The following KCNQ1 variants were observed in gnomAD, a reference collection of about 807,000 sequenced individuals.
KCNQ1 encodes potassium voltage-gated channel subfamily Q member 1.
Under a neutral mutation model 72.4 loss-of-function variants are expected in KCNQ1, and 49 were observed. The ratio of observed to expected loss-of-function variants is 0.68; its 90% CI spans 0.54 to 0.86. The LOEUF (loss-of-function observed/expected upper bound fraction) is 0.86. Ranked by LOEUF, KCNQ1 falls within the 40% of genes least tolerant of loss-of-function variation. KCNQ1 has a pLI of 0.00. For missense variants in KCNQ1, 790 were observed against 945.1 expected (o/e 0.84, Z 2.15); for synonymous variants, 450 against 412.6 (o/e 1.09, Z -1.10).
At chr11:2,838,870 G>T (rs907528221) in intron 15 of KCNQ1, among the ~76,000 whole-genome samples, 1 of 152,168 alleles carries the variant, frequency 6.6e-6, no homozygotes, top group African/African-American at 2.4e-5. Context: ...AGGAGGCAGC[G>T]GCAGAGAATC....
chr11:2,760,126 C>T (rs1279008591), intron 11 of KCNQ1, among the ~76,000 whole-genome samples: 1 of 152,232 alleles, frequency 6.6e-6, no homozygotes. Context: ...CAGCAGCCCC[C>T]ACCCCAGCCA....
At chr11:2,799,187 G>A (rs1341294091) in intron 15 of KCNQ1, among the ~76,000 whole-genome samples, 4 of 152,246 alleles carry the variant, frequency 2.6e-5, no homozygotes, top group Admixed American at 1.3e-4. Flanking sequence ...CAAAGTGAGT[G>A]AGAGAGCAGC....
At chr11:2,719,034 G>T (rs1160957049) in intron 11 of KCNQ1, among the ~76,000 whole-genome samples, 1 of 152,218 alleles carries the variant, frequency 6.6e-6, no homozygotes, top group East Asian at 1.9e-4. Context: ...CTACGCTTGT[G>T]ACCCCCCTCC....
rs1171255833 is a variant in KCNQ1 at position 2,772,068 on chromosome 11, C to G, written c.1590+3149C>G. On this transcript the variant is annotated intron_variant, in intron 12 of 15. Coordinates refer to ENST00000155840, the MANE Select transcript of KCNQ1 (RefSeq NM_000218.3). The surrounding 1 kb of genome is among the most constrained non-coding windows in gnomAD (Gnocchi z 6.6). ...AAGCCGCTGGGGCTCCCTCCGACCTCACCAGCTGGCTCTTATTGCTGGGAG... is the reference window on the plus strand; with the variant it reads ...AAGCCGCTGGGGCTCCCTCCGACCTGACCAGCTGGCTCTTATTGCTGGGAG... Among the ~76,000 whole-genome samples the G allele has an allele frequency of 1.3e-5, 2 of 152,212 alleles. No homozygotes were observed. The highest frequency in any genetic ancestry group is 3.9e-4 in the East Asian group (2 of 5,186).
At chr11:2,806,502 C>T (rs546347395) in intron 15 of KCNQ1, among the ~76,000 whole-genome samples, 48 of 152,340 alleles carry the variant, frequency 3.2e-4, no homozygotes, top group Non-Finnish European at 2.8e-4. Flanking sequence ...GGCTGTGTAA[C>T]GCAGGCTTGC....
At chr11:2,535,370 G>A (rs1354555839) in intron 2 of KCNQ1, among the ~76,000 whole-genome samples, 1 of 152,180 alleles carries the variant, frequency 6.6e-6, no homozygotes, top group Admixed American at 6.5e-5. Context: ...CCCGGGTCAG[G>A]GTCGACCCCT....
At chr11:2,631,874 T>C (rs1849358465) in intron 10 of KCNQ1, 1 of 398,198 alleles carries the variant, frequency 2.5e-6, no homozygotes, top group African/African-American at 2.1e-5. Context: ...AGATTGTTTG[T>C]GATTAATGTA....
chr11:2,478,350 T>C lies in KCNQ1; in HGVS notation c.386+32866T>C, dbSNP rs1448119266. Among the ~76,000 whole-genome samples, 2 of 152,194 alleles carry C rather than the reference T, an allele frequency of 1.3e-5. No individual in the cohort carries two copies. Among genetic ancestry groups the C allele is most frequent in the African/African-American group, 4.8e-5 (2 of 41,438 alleles). ...ATGTATTAGTCCATTTTCAAATTACTGATAAAGACATACCTGAGACTGGAT... is the reference window on the plus strand; with the variant it reads ...ATGTATTAGTCCATTTTCAAATTACCGATAAAGACATACCTGAGACTGGAT... On this transcript the variant is annotated intron_variant, in intron 1 of 15. Transcript: ENST00000155840. This position sits in a 1 kb window ranked among gnomAD's most constrained non-coding sequence, Gnocchi z 4.0.
At chr11:2,633,913 A>G (rs1390779791) in intron 10 of KCNQ1, 1 of 398,498 alleles carries the variant, frequency 2.5e-6, no homozygotes, top group African/African-American at 2.1e-5. Context: ...TGAATATTGC[A>G]TTCTATCCTT....
chr11:2,684,336 G>A (rs1353490595), intron 11 of KCNQ1: 1 of 398,544 alleles, frequency 2.5e-6, no homozygotes, highest in Non-Finnish European at 4.4e-6. Context: ...GGTGGCCCAG[G>A]TATGTGTTTG....
Position 2,847,759 on chromosome 11 carries a change from C to A in KCNQ1, c.1795-8C>A. 1.3e-6 allele frequency: 2 copies of A among 1,572,570 alleles called. No homozygotes were observed. The highest frequency in any genetic ancestry group is 4.7e-5 in the East Asian group (2 of 42,788). On this transcript the variant is annotated splice_region_variant and splice_polypyrimidine_tract_variant and intron_variant, in intron 15 of 15. Coordinates refer to ENST00000155840, the MANE Select transcript of KCNQ1 (RefSeq NM_000218.3). ...CACTGACTCTCTCGTCTGCCTTTGTCCCCGCAGGTGACGCAGCTGGACCAG... is the reference window on the plus strand; with the variant it reads ...CACTGACTCTCTCGTCTGCCTTTGTACCCGCAGGTGACGCAGCTGGACCAG...
At chr11:2,472,859 G>A (rs1846509691) in intron 1 of KCNQ1, among the ~76,000 whole-genome samples, 1 of 152,132 alleles carries the variant, frequency 6.6e-6, no homozygotes, top group Admixed American at 6.5e-5. Context: ...TCAGAGGCAT[G>A]GGGGTGACTC....
intron 11 of KCNQ1, chr11:2,693,352 G>C: frequency 2.5e-6 from 1 of 398,758 alleles, no homozygotes; most frequent in Non-Finnish European, 4.4e-6. Flanking sequence ...CCAGACCCTG[G>C]GTGGGGGCCG....
At chr11:2,587,465 G>A in intron 8 of KCNQ1, 105 bp from the exon 9 acceptor site, 1 of 1,529,884 alleles carries the variant, frequency 6.5e-7, no homozygotes, top group African/African-American at 1.4e-5. Context: ...CCACCCAGAG[G>A]GGAGGGGCCA....
At chr11:2,465,957 C>A (rs1426158798) in intron 1 of KCNQ1, among the ~76,000 whole-genome samples, 2 of 152,194 alleles carry the variant, frequency 1.3e-5, no homozygotes, top group Non-Finnish European at 2.9e-5. Flanking sequence ...CCTGCCCTGT[C>A]CTTTCCTTGG....
chr11:2,805,595 C>T (rs1232535340), intron 15 of KCNQ1, among the ~76,000 whole-genome samples: 1 of 152,226 alleles, frequency 6.6e-6, no homozygotes, highest in Admixed American at 6.5e-5. Flanking sequence ...GCTAACCTTA[C>T]ACCACCTTGG....
intron 1 of KCNQ1, among the ~76,000 whole-genome samples, chr11:2,504,910 C>G (rs1280380749): frequency 6.6e-6 from 1 of 152,190 alleles, no homozygotes; most frequent in African/African-American, 2.4e-5. Context: ...TATACACCTA[C>G]TATGTACCCA....
chr11:2,613,815 T>C lies in KCNQ1; in HGVS notation c.1393+24961T>C. On this transcript the variant is annotated intron_variant, in intron 10 of 15. Transcript: ENST00000155840. The surrounding 1 kb of genome is among the most constrained non-coding windows in gnomAD (Gnocchi z 4.8). ...TTCCATCCTAATTCCCCCTACCCAT[T>C]ATAGGTAACCAGTTTCAGTGTTTTC... 1 of 398,522 alleles carries C rather than the reference T, an allele frequency of 2.5e-6. No homozygotes were observed. Among genetic ancestry groups the C allele is most frequent in the Non-Finnish European group, 4.4e-6 (1 of 226,026 alleles). 24.7% of individuals were successfully genotyped at this position (398,522 alleles called of 1,614,324 possible).
chr11:2,846,275 G>A (rs999102445), intron 15 of KCNQ1, among the ~76,000 whole-genome samples: 3 of 152,152 alleles, frequency 2.0e-5, no homozygotes, highest in East Asian at 1.9e-4. Flanking sequence ...AGTCATCTTC[G>A]TGCCTCTCTC....
Sources: gnomAD v4.1 joint callset for allele counts (sites outside exome capture counted in the v4.1 genomes callset) on GRCh38, gnomAD v4.1.1 for gene constraint, Gnocchi (gnomAD v3.1) non-coding constraint, MANE v1.5 for transcripts, NCBI Gene and HGNC (gene_info 2026-07-23, HGNC 2026-07-21) for gene names.